GNAL: variants seen among roughly 807,000 people sequenced by gnomAD.
GNAL encodes G protein subunit alpha L, also known as guanine nucleotide-binding protein G(olf) subunit alpha.
GNAL carries 18 observed loss-of-function variants against 55.1 expected under a neutral mutation model. That is an observed-to-expected ratio of 0.33 (90% CI 0.23 to 0.48). The LOEUF (loss-of-function observed/expected upper bound fraction) is 0.48. GNAL is among the 20% of genes least tolerant of loss of function. GNAL has a pLI of 0.99. For missense variants in GNAL, 412 were observed against 614.1 expected (o/e 0.67, Z 3.48); for synonymous variants, 253 against 237.0 (o/e 1.07, Z -0.62).
chr18:11,863,481 G>A (rs2143844313), intron 6 of GNAL, among the ~76,000 whole-genome samples: 1 of 152,316 alleles, frequency 6.6e-6, no homozygotes, highest in East Asian at 1.9e-4. Context: ...CTGAGAGTTT[G>A]AAATTATCTG....
Position 11,752,230 on chromosome 18 carries a change from AC to A in GNAL, c.377-622del. ...GCATTTTACTCCGCGCGTCTTCCTT[AC>A]AGCCATTTAGTTGGGAGTTTGCGGT... On this transcript the variant is annotated intron_variant, in intron 1 of 11. Transcript: ENST00000334049. The surrounding 1 kb of genome is among the most constrained non-coding windows in gnomAD (Gnocchi z 4.5). The A allele has an allele frequency of 1.9e-6, 2 of 1,048,444 alleles. No homozygotes were observed. The highest frequency in any genetic ancestry group is 2.6e-6 in the Non-Finnish European group (2 of 779,804). The allele number at this position is 1,048,444 out of a possible 1,614,324, so 64.9% of individuals were successfully genotyped here. A position where few individuals can be genotyped will look rare whatever the true frequency, so the allele number is the denominator to read the frequency against.
chr18:11,829,403 G>C (rs1357948035), intron 5 of GNAL, among the ~76,000 whole-genome samples: 2 of 152,144 alleles, frequency 1.3e-5, no homozygotes, highest in Non-Finnish European at 2.9e-5. Context: ...AGGGATGAGG[G>C]ATTTCAAAAA....
At chr18:11,771,821 T>C (rs928840146) in intron 4 of GNAL, among the ~76,000 whole-genome samples, 1 of 152,260 alleles carries the variant, frequency 6.6e-6, no homozygotes, top group African/African-American at 2.4e-5. Flanking sequence ...TTCAAGCGAT[T>C]CTCCTGCCTC....
chr18:11,773,809 C>T (rs1276279403), intron 4 of GNAL, among the ~76,000 whole-genome samples: 2 of 152,074 alleles, frequency 1.3e-5, no homozygotes, highest in African/African-American at 2.4e-5. Flanking sequence ...AATAGTTTTA[C>T]GCATATGATT....
intron 1 of GNAL, among the ~76,000 whole-genome samples, chr18:11,695,324 C>T (rs1216628638): frequency 6.6e-6 from 1 of 152,186 alleles, no homozygotes; most frequent in Non-Finnish European, 1.5e-5. Flanking sequence ...GCTGATCTAA[C>T]CTGGGTCACA....
chr18:11,851,553 G>A (rs2035867652), intron 5 of GNAL: 2 of 1,608,654 alleles, frequency 1.2e-6, no homozygotes, highest in Non-Finnish European at 8.5e-7. Flanking sequence ...TGAAGTTCGC[G>A]GCCAAAGAAC....
intron 5 of GNAL, among the ~76,000 whole-genome samples, chr18:11,859,325 C>T (rs1186059313): frequency 2.0e-5 from 3 of 152,188 alleles, no homozygotes; most frequent in South Asian, 2.1e-4. Flanking sequence ...CGTCCCACCC[C>T]GGCAGAAACT....
chr18:11,865,573 G>A (rs2036243807), intron 7 of GNAL, among the ~76,000 whole-genome samples: 2 of 123,410 alleles, frequency 1.6e-5, no homozygotes, highest in African/African-American at 3.3e-5. Flanking sequence ...AACATAGCAA[G>A]ACCCTGTCTC....
At chr18:11,819,772 A>G (rs1006664300) in intron 4 of GNAL, among the ~76,000 whole-genome samples, 2 of 152,148 alleles carry the variant, frequency 1.3e-5, no homozygotes, top group African/African-American at 4.8e-5. Flanking sequence ...TAATGTAGAC[A>G]TACTAAAATT....
At position 11,849,501 on chromosome 18, in the gene GNAL, CAAAAAAAAA is replaced by C. The variant is rs71172025; in HGVS notation, c.723-12882_723-12874del. 1.3e-3 allele frequency among the ~76,000 whole-genome samples: 166 copies of C among 130,404 alleles called. 2 individuals carry two copies. Among genetic ancestry groups the C allele is most frequent in the South Asian group, 2.4e-3 (10 of 4,104 alleles). 85.6% of individuals were successfully genotyped at this position (130,404 alleles called of 152,430 possible). A position where few individuals can be genotyped will look rare whatever the true frequency, so the allele number is the denominator to read the frequency against. On this transcript the variant is annotated intron_variant, in intron 5 of 11. Transcript: ENST00000334049. ...TGAGTGACAAAGCAAGATTTCATCT[CAAAAAAAAA>C]AAAAAAAAAAAGAAAGAAAAGAAAA...
chr18:11,880,896 C>A, intron 11 of GNAL, 93 bp from the exon 12 acceptor site: 1 of 1,352,136 alleles, frequency 7.4e-7, no homozygotes, highest in Non-Finnish European at 1.0e-6. Flanking sequence ...CCACTGTCAC[C>A]AAAGCCTCCA....
Position 11,830,282 on chromosome 18 carries a change from C to CTTTTTTT in GNAL, c.722+5282_722+5288dup, listed in dbSNP as rs71172023. 7.1e-5 allele frequency among the ~76,000 whole-genome samples: 7 copies of CTTTTTTT among 99,218 alleles called. 1 individual carries two copies. Among genetic ancestry groups the CTTTTTTT allele is most frequent in the African/African-American group, 2.0e-4 (5 of 24,786 alleles). The allele number at this position is 99,218 out of a possible 152,430, so 65.1% of individuals were successfully genotyped here. Reference sequence around the variant, plus strand: ...GTCACCTTGCTCAACAGAATTGCATCTTTTTTTTTTTTTTTTTTTTTGAGG... The same window carrying CTTTTTTT: ...GTCACCTTGCTCAACAGAATTGCATCTTTTTTTTTTTTTTTTTTTTTTTTTTTTGAGG... On this transcript the variant is annotated intron_variant, in intron 5 of 11. Coordinates refer to ENST00000334049, the MANE Select transcript of GNAL (RefSeq NM_182978.4).
chr18:11,773,810 G>A (rs765508841), intron 4 of GNAL, among the ~76,000 whole-genome samples: 4 of 152,196 alleles, frequency 2.6e-5, no homozygotes, highest in East Asian at 3.9e-4. Context: ...ATAGTTTTAC[G>A]CATATGATTA....
At position 11,751,538 on chromosome 18, in the gene GNAL, T is replaced by C; in HGVS notation, c.377-1315T>C. The C allele has an allele frequency of 1.0e-6, 1 of 985,462 alleles. No individual in the cohort carries two copies. The highest frequency in any genetic ancestry group is 1.2e-6 in the Non-Finnish European group (1 of 829,972). The allele number at this position is 985,462 out of a possible 1,614,324, so 61.0% of individuals were successfully genotyped here. A position where few individuals can be genotyped will look rare whatever the true frequency, so the allele number is the denominator to read the frequency against. ...GCCTCGGAGGGATCCTCCTCCCTGC[T>C]AGAATATGCATGATCCTCCGCGAGT... is the stretch of plus-strand genomic sequence containing the variant. On this transcript the variant is annotated intron_variant, in intron 1 of 11. Transcript: ENST00000334049. This position sits in a 1 kb window ranked among gnomAD's most constrained non-coding sequence, Gnocchi z 4.5.
At chr18:11,690,965 G>T (rs1363891414) in intron 1 of GNAL, among the ~76,000 whole-genome samples, 10 of 148,434 alleles carry the variant, frequency 6.7e-5, no homozygotes, top group Non-Finnish European at 1.5e-4. Flanking sequence ...AGTCCTTTGG[G>T]TATATACCCA....
intron 5 of GNAL, among the ~76,000 whole-genome samples, chr18:11,850,497 GAC>G (rs1491154953): frequency 6.6e-6 from 1 of 152,186 alleles, no homozygotes; most frequent in African/African-American, 2.4e-5. Flanking sequence ...AGAGAAAAGT[GAC>G]AGCACACATT....
rs1463598248 is a variant in GNAL, at chr18:11,710,607, C to G, written c.376+20668C>G. 2.0e-5 allele frequency among the ~76,000 whole-genome samples: 3 copies of G among 148,938 alleles called. No individual in the cohort carries two copies. The East Asian group carries it at 5.8e-4, about 29-fold the overall frequency. On this transcript the variant is annotated intron_variant, in intron 1 of 11. Transcript: ENST00000334049. ...ATATGGTGGTGATGAATACCCTCAACTTTTGTTTGGGAAATTTTTTCTCTC... is the reference window on the plus strand; with the variant it reads ...ATATGGTGGTGATGAATACCCTCAAGTTTTGTTTGGGAAATTTTTTCTCTC...
intron 4 of GNAL, among the ~76,000 whole-genome samples, chr18:11,787,522 A>G (rs1014701310): frequency 6.6e-6 from 1 of 152,200 alleles, no homozygotes; most frequent in Non-Finnish European, 1.5e-5. Context: ...GGCAGCCATC[A>G]TGTAATAAAA....
chr18:11,774,717 C>A (rs372779288), intron 4 of GNAL, among the ~76,000 whole-genome samples: 6 of 152,172 alleles, frequency 3.9e-5, no homozygotes, highest in African/African-American at 7.2e-5. Context: ...AGCCTGTCCC[C>A]CTGTGTACTG....
Sources: allele counts gnomAD v4.1 joint callset (sites outside exome capture counted in the v4.1 genomes callset), GRCh38; gene constraint gnomAD v4.1.1; non-coding constraint Gnocchi (gnomAD v3.1); transcripts MANE v1.5; gene names NCBI Gene and HGNC (gene_info 2026-07-23, HGNC 2026-07-21).